Variants in NPC1L1 observed in about 807,000 individuals in gnomAD.
NPC1L1 encodes the protein NPC1-like intracellular cholesterol transporter 1.
NPC1L1 carries 98 observed loss-of-function variants against 117.0 expected under a neutral mutation model. The observed-to-expected ratio is 0.84, with a 90% CI of 0.71 to 0.99. The LOEUF is 0.99. Ranked by LOEUF, NPC1L1 falls within the 50% of genes least tolerant of loss-of-function variation. The pLI is 0.00. For synonymous variants in NPC1L1, 729 were observed against 727.6 expected (o/e 1.00, Z -0.03); for missense variants, 1,540 against 1,710.0 (o/e 0.90, Z 1.75).
In NPC1L1 at chr7:44,536,736, C is replaced by T; in HGVS notation, c.1681+106G>A. 9.8e-7 allele frequency: 1 copy of T among 1,018,112 alleles called. No homozygotes were observed. Among genetic ancestry groups the T allele is most frequent in the Non-Finnish European group, 1.5e-6 (1 of 655,788 alleles). 63.1% of individuals were successfully genotyped at this position (1,018,112 alleles called of 1,614,324 possible). Reference sequence around the variant, plus strand: ...CCTACAGCTTCCAGAAGCCAGGCTACCCCCAGGCCGCGAGAATCCCCAGCA... The same window carrying T: ...CCTACAGCTTCCAGAAGCCAGGCTATCCCCAGGCCGCGAGAATCCCCAGCA... On this transcript the variant is annotated intron_variant, in intron 3 of 18. Transcript: ENST00000381160. This position sits in a 1 kb window ranked among gnomAD's most constrained non-coding sequence, Gnocchi z 4.7.
chr7:44,527,903 CA>C, intron 10 of NPC1L1, among the ~76,000 whole-genome samples: 1 of 152,282 alleles, frequency 6.6e-6, no homozygotes, highest in South Asian at 2.1e-4. Flanking sequence ...CAGCTCACTG[CA>C]ACCTCTACCT....
At chr7:44,513,960 A>G (rs1002270025) in intron 18 of NPC1L1, among the ~76,000 whole-genome samples, 2 of 152,008 alleles carry the variant, frequency 1.3e-5, no homozygotes, top group Admixed American at 1.3e-4. Flanking sequence ...CACCACCCCC[A>G]GCGCACACAC....
Position 44,536,609 on chromosome 7 carries a change from C to T in NPC1L1, c.1682-181G>A, listed in dbSNP as rs1374841340. ...CCTCCTACACCCCACTTCTCTCAGC[C>T]AAAGGCGAGACCTTTGGGCCCAGGC... On this transcript the variant is annotated intron_variant, in intron 3 of 18. Coordinates refer to ENST00000381160, the MANE Select transcript of NPC1L1 (RefSeq NM_001101648.2). This position sits in a 1 kb window ranked among gnomAD's most constrained non-coding sequence, Gnocchi z 4.7. Among the ~76,000 whole-genome samples the T allele has an allele frequency of 6.6e-6, 1 of 152,058 alleles. No individual in the cohort carries two copies.
In NPC1L1 at chr7:44,516,109, T is replaced by C; in HGVS notation, c.3608A>G (p.Glu1203Gly). 3 of 1,612,620 alleles carry C rather than the reference T, an allele frequency of 1.9e-6. No homozygotes were observed. The highest frequency in any genetic ancestry group is 1.3e-5 in the African/African-American group (1 of 75,032). Residue 1203 changes from glutamate (E) to glycine (G), a missense_variant, in exon 17 of 19, where the codon GAG (glutamate) becomes GGG (glycine). Glu to Gly is a moderately conservative substitution (Grantham distance 98). Coordinates refer to ENST00000381160, the MANE Select transcript of NPC1L1 (RefSeq NM_001101648.2). Reference sequence around the variant, plus strand: ...CGCACTTCCCATAGAGATGGTGGCCTCTTTGGCCCTCTCCAGCCAGGTGGG... The same window carrying C: ...CGCACTTCCCATAGAGATGGTGGCCCCTTTGGCCCTCTCCAGCCAGGTGGG... Reference protein sequence around the residue: ...TKPTWLERAKEATISMGSAVF... With the variant: ...TKPTWLERAKGATISMGSAVF...
rs1396565518 is a variant in NPC1L1 at position 44,538,910 on chromosome 7, T to C, written c.1487A>G (p.Asn496Ser). 6.2e-7 allele frequency: 1 copy of C among 1,614,226 alleles called. No individual in the cohort carries two copies. Among genetic ancestry groups the C allele is most frequent in the Admixed American group, 1.7e-5 (1 of 60,028 alleles). ...TGTGAGCAGCAGGAGCGTGCGGTTG[T>C]TCTGGAAATACTGCAGGAGGCTGTT... ...CINSLLQYFQ[N>S]NRTLLLLTAN... The change falls in exon 2 of 19, where the codon AAC becomes AGC. Residue 496 changes from asparagine to serine, a missense_variant. By Grantham distance (46) the Asn-to-Ser change is conservative. Transcript: ENST00000381160. This position sits in a 1 kb window ranked among gnomAD's most constrained non-coding sequence, Gnocchi z 5.9.
intron 10 of NPC1L1, among the ~76,000 whole-genome samples, chr7:44,531,499 A>G (rs1426811923): frequency 1.3e-5 from 2 of 152,204 alleles, no homozygotes; most frequent in Non-Finnish European, 2.9e-5. Context: ...GTGGCCTGCC[A>G]TCTCACATGG....
intron 18 of NPC1L1, among the ~76,000 whole-genome samples, chr7:44,515,247 G>A (rs985571262): frequency 6.6e-6 from 1 of 151,828 alleles, no homozygotes; most frequent in African/African-American, 2.4e-5. Flanking sequence ...CCAGCTACTC[G>A]GGAGGCTGAG....
chr7:44,536,037 C>G lies in NPC1L1; in HGVS notation c.1855-69G>C, dbSNP rs908519978. On this transcript the variant is annotated intron_variant, in intron 4 of 18. Coordinates refer to ENST00000381160, the MANE Select transcript of NPC1L1 (RefSeq NM_001101648.2). The surrounding 1 kb of genome is among the most constrained non-coding windows in gnomAD (Gnocchi z 4.7). ...TCAGCCAGGCCAGCTCTCAATAGCTCGGTCACTGGGCACTAATTGTGTGTT... is the reference window on the plus strand; with the variant it reads ...TCAGCCAGGCCAGCTCTCAATAGCTGGGTCACTGGGCACTAATTGTGTGTT... 6.2e-7 allele frequency: 1 copy of G among 1,609,754 alleles called. No individual in the cohort carries two copies. Among genetic ancestry groups the G allele is most frequent in the South Asian group, 1.1e-5 (1 of 90,492 alleles).
Position 44,516,683 on chromosome 7 carries a change from G to A in NPC1L1, c.3519+20C>T, listed in dbSNP as rs751149157. The stretch of plus-strand genomic sequence containing the variant: ...ACCACCCCTCCAGAGGCCCCCTGGT[G>A]CCTGTGTCTGCTGGGTTACCGAGAC... On this transcript the variant is annotated intron_variant, in intron 16 of 18. Transcript: ENST00000381160. The A allele has an allele frequency of 4.4e-6, 7 of 1,586,528 alleles. No individual in the cohort carries two copies. The highest frequency in any genetic ancestry group is 3.4e-6 in the Non-Finnish European group (4 of 1,161,566).
Position 44,513,305 on chromosome 7 carries a change from C to T in NPC1L1, c.*142G>A. ...GCTGCCTGGATACCTCAAGAGCAGG[C>T]CATCCTCCAGTGACAGGCAGTCTCA... On this transcript the variant is annotated 3_prime_UTR_variant, in exon 19 of 19. Transcript: ENST00000381160. The T allele has an allele frequency of 7.5e-6, 6 of 798,294 alleles. No individual in the cohort carries two copies. Among genetic ancestry groups the T allele is most frequent in the South Asian group, 7.3e-5 (5 of 68,596 alleles). 49.5% of individuals were successfully genotyped at this position (798,294 alleles called of 1,614,324 possible). A position where few individuals can be genotyped will look rare whatever the true frequency, so the allele number is the denominator to read the frequency against.
Position 44,536,519 on chromosome 7 carries a change from T to G in NPC1L1, c.1682-91A>C. On this transcript the variant is annotated intron_variant, in intron 3 of 18. Coordinates refer to ENST00000381160, the MANE Select transcript of NPC1L1 (RefSeq NM_001101648.2). The surrounding 1 kb of genome is among the most constrained non-coding windows in gnomAD (Gnocchi z 4.7). ...CCTATATTCCCTCCCCCTATCTAGC[T>G]GCACCCCTCCCATCACCCCTTGCTC... 7.2e-7 allele frequency: 1 copy of G among 1,384,642 alleles called. No homozygotes were observed. The highest frequency in any genetic ancestry group is 1.0e-6 in the Non-Finnish European group (1 of 995,778). 85.8% of individuals were successfully genotyped at this position (1,384,642 alleles called of 1,614,324 possible). A position where few individuals can be genotyped will look rare whatever the true frequency, so the allele number is the denominator to read the frequency against.
chr7:44,535,262 G>A (rs1017605328), intron 5 of NPC1L1, among the ~76,000 whole-genome samples: 23 of 152,228 alleles, frequency 1.5e-4, no homozygotes, highest in African/African-American at 5.3e-4. Context: ...CTACTCGGGA[G>A]GCTGAGGCAG....
chr7:44,541,251 C>G lies in NPC1L1; in HGVS notation c.9G>C (p.Glu3Asp). The change falls in exon 1 of 19, where the codon GAG (glutamate) becomes GAC (aspartate). Residue 3 changes from glutamate to aspartate, a missense_variant. Around this residue, in one of 3 missense-constraint regions of NPC1L1, gnomAD observed 793 missense variants for 820.4 expected, o/e 0.97. Transcript: ENST00000381160. Reference sequence around the variant, plus strand: ...ACAGCAGCCAGCCCCTCAGGCCGGCCTCCGCCATCCCAGGTCTGGGAAGGG... The same window carrying G: ...ACAGCAGCCAGCCCCTCAGGCCGGCGTCCGCCATCCCAGGTCTGGGAAGGG... MA[E>D]AGLRGWLLWA... is the part of the protein sequence containing the mutation. 1.3e-6 allele frequency: 2 copies of G among 1,549,908 alleles called. No individual in the cohort carries two copies. Among genetic ancestry groups the G allele is most frequent in the Non-Finnish European group, 1.7e-6 (2 of 1,146,774 alleles).
intron 8 of NPC1L1, among the ~76,000 whole-genome samples, chr7:44,532,846 C>T (rs1801746436): frequency 6.6e-6 from 1 of 152,194 alleles, no homozygotes; most frequent in South Asian, 2.1e-4. Context: ...GGCATGGTGG[C>T]TCACGCCAGC....
Position 44,539,479 on chromosome 7 carries a change from A to T in NPC1L1, c.918T>A (p.Arg306=). 6.2e-7 allele frequency: 1 copy of T among 1,613,994 alleles called. No individual in the cohort carries two copies. The highest frequency in any genetic ancestry group is 8.5e-7 in the Non-Finnish European group (1 of 1,179,958). ...AVVTILLVGF[R]VAPARDKSKM... ...TGCTTTTGTCCCTGGCGGGGGCCAC[A>T]CGGAATCCCACAAGCAGGATGGTGA... is the stretch of plus-strand genomic sequence containing the variant. The change falls in exon 2 of 19, where the codon CGT becomes CGA. Residue 306 remains arginine, a synonymous_variant. Transcript: ENST00000381160. The surrounding 1 kb of genome is among the most constrained non-coding windows in gnomAD (Gnocchi z 4.4).
intron 10 of NPC1L1, among the ~76,000 whole-genome samples, chr7:44,523,076 T>G (rs1031735284): frequency 2.0e-5 from 3 of 152,188 alleles, no homozygotes; most frequent in African/African-American, 7.2e-5. Context: ...TTTTGTTTTG[T>G]TTTGAGATGG....
In NPC1L1 at chr7:44,539,837, G is replaced by A; in HGVS notation, c.560C>T (p.Thr187Ile). ...GGCAGAGCCATACACGCCACACATG[G>A]TGCCCACAGCCAGCGTGGCAGCTGC... ...VPAAATLAVG[T>I]MCGVYGSALC... The change falls in exon 2 of 19, where the codon ACC becomes ATC. Residue 187 changes from threonine to isoleucine, a missense_variant. Around this residue, in one of 3 missense-constraint regions of NPC1L1, gnomAD observed 793 missense variants for 820.4 expected, o/e 0.97. Coordinates refer to ENST00000381160, the MANE Select transcript of NPC1L1 (RefSeq NM_001101648.2). This position sits in a 1 kb window ranked among gnomAD's most constrained non-coding sequence, Gnocchi z 4.4. 1 of 1,614,148 alleles carries A rather than the reference G, an allele frequency of 6.2e-7. No homozygotes were observed.
At position 44,538,799 on chromosome 7, in the gene NPC1L1, G is replaced by A. The variant is rs1222626151; in HGVS notation, c.1580+18C>T. The A allele has an allele frequency of 6.2e-7, 1 of 1,613,350 alleles. No individual in the cohort carries two copies. The highest frequency in any genetic ancestry group is 8.5e-7 in the Non-Finnish European group (1 of 1,179,538). On this transcript the variant is annotated intron_variant, in intron 2 of 18. Coordinates refer to ENST00000381160, the MANE Select transcript of NPC1L1 (RefSeq NM_001101648.2). The surrounding 1 kb of genome is among the most constrained non-coding windows in gnomAD (Gnocchi z 5.9). ...CAGCCCCAGCCCACTCCTCGCTTGG[G>A]CCCCACCATGGACTCACTTGGCACA... is the stretch of plus-strand genomic sequence containing the variant.
At chr7:44,521,923 C>T (rs1563203365) in intron 11 of NPC1L1, 87 bp from the exon 12 acceptor site, 1 of 1,605,012 alleles carries the variant, frequency 6.2e-7, no homozygotes, top group South Asian at 1.1e-5. Flanking sequence ...CGCAGCCCTC[C>T]CCAGGCATAC....
Sources: gnomAD v4.1 joint callset for allele counts (sites outside exome capture counted in the v4.1 genomes callset) on GRCh38, gnomAD v4.1.1 for gene constraint, gnomAD v4.1.1 regional missense constraint, Gnocchi (gnomAD v3.1) non-coding constraint, MANE v1.5 for transcripts, NCBI Gene and HGNC (gene_info 2026-07-23, HGNC 2026-07-21) for gene names.